INSC: variants seen among roughly 807,000 people sequenced by gnomAD.
The protein encoded by INSC is INSC spindle orientation adaptor protein, also known as protein inscuteable homolog.
INSC carries 67 observed loss-of-function variants against 58.6 expected under a neutral mutation model. The ratio of observed to expected loss-of-function variants is 1.14; its 90% confidence interval spans 0.94 to 1.40. The LOEUF (loss-of-function observed/expected upper bound fraction) is 1.40. Ranked by LOEUF, INSC falls within the 40% of genes most tolerant of loss-of-function variation. The pLI is 0.00. For missense variants in INSC, 714 were observed against 692.0 expected (o/e 1.03, Z -0.36); for synonymous variants, 262 against 276.1 (o/e 0.95, Z 0.51).
intron 2 of INSC, among the ~76,000 whole-genome samples, chr11:15,161,565 G>GA (rs1303754190): frequency 1.3e-5 from 2 of 152,230 alleles, no homozygotes; most frequent in African/African-American, 2.4e-5. Flanking sequence ...CACTGAAGGA[G>GA]AAAAAAACCT....
At chr11:15,144,081 GTGTTTTACTCT>G (rs1327512640) in intron 1 of INSC, among the ~76,000 whole-genome samples, 2 of 148,792 alleles carry the variant, frequency 1.3e-5, no homozygotes, top group Admixed American at 6.6e-5. Flanking sequence ...CCTAAGTCAT[GTGTTTTACTCT>G]TGCTGCAAAG....
At chr11:15,173,794 A>G (rs900092908) in intron 2 of INSC, among the ~76,000 whole-genome samples, 4 of 152,244 alleles carry the variant, frequency 2.6e-5, no homozygotes, top group Non-Finnish European at 5.9e-5. Context: ...ATAATTAAAC[A>G]TAAGATGTGT....
At chr11:15,192,812 G>A (rs1306199561) in intron 6 of INSC, among the ~76,000 whole-genome samples, 1 of 151,930 alleles carries the variant, frequency 6.6e-6, no homozygotes, top group Non-Finnish European at 1.5e-5. Context: ...AAGTTCTCAG[G>A]GTACTACACT....
intron 1 of INSC, among the ~76,000 whole-genome samples, chr11:15,126,510 GA>G (rs1847999285): frequency 6.6e-6 from 1 of 152,128 alleles, no homozygotes. Context: ...TGGATTGTAG[GA>G]ACATTAGATT....
the INSC span, among the ~76,000 whole-genome samples, chr11:15,268,440 A>T: frequency 6.6e-6 from 1 of 152,096 alleles, no homozygotes; most frequent in Non-Finnish European, 1.5e-5. Context: ...TGTTCCATTT[A>T]AATAGATATG....
intron 1 of INSC, among the ~76,000 whole-genome samples, chr11:15,138,228 A>G: frequency 6.6e-6 from 1 of 152,344 alleles, no homozygotes; most frequent in East Asian, 1.9e-4. Flanking sequence ...ACAGATCACC[A>G]CAGCAGATAC....
intron 1 of INSC, among the ~76,000 whole-genome samples, chr11:15,139,225 C>T (rs996245405): frequency 2.6e-5 from 4 of 152,216 alleles, no homozygotes; most frequent in African/African-American, 4.8e-5. Context: ...ATTTTCACCA[C>T]GTTGGAGCGA....
At chr11:15,239,107 G>A in intron 11 of INSC, 33 bp downstream of exon 11, 1 of 1,592,560 alleles carries the variant, frequency 6.3e-7, no homozygotes, top group South Asian at 1.1e-5. Context: ...GGCTGGAGTG[G>A]AGTGGGGGTA....
At chr11:15,266,198 A>G in the INSC span, among the ~76,000 whole-genome samples, 2 of 151,958 alleles carry the variant, frequency 1.3e-5, no homozygotes, top group African/African-American at 2.4e-5. Flanking sequence ...AGAGAATAAA[A>G]TAGGTTAAAA....
chr11:15,212,616 CA>C (rs1290011749), intron 7 of INSC, among the ~76,000 whole-genome samples: 1 of 152,130 alleles, frequency 6.6e-6, no homozygotes, highest in Non-Finnish European at 1.5e-5. Flanking sequence ...TGATTTCATG[CA>C]AATGTAAATG....
At chr11:15,162,981 C>T (rs1011819518) in intron 2 of INSC, among the ~76,000 whole-genome samples, 10 of 152,200 alleles carry the variant, frequency 6.6e-5, no homozygotes, top group Non-Finnish European at 1.2e-4. Flanking sequence ...ATCTGGTTCT[C>T]ATCTCTTCAC....
chr11:15,217,670 G>A (rs759358728), intron 7 of INSC, among the ~76,000 whole-genome samples: 16 of 152,072 alleles, frequency 1.1e-4, no homozygotes, highest in Non-Finnish European at 1.9e-4. Context: ...AGAACGAAAC[G>A]CTAGGAAAAT....
At chr11:15,122,443 A>T (rs564663643) in intron 1 of INSC, among the ~76,000 whole-genome samples, 1 of 152,230 alleles carries the variant, frequency 6.6e-6, no homozygotes, top group African/African-American at 2.4e-5. Flanking sequence ...AGGGAGATGA[A>T]GGAGTCTAAG....
At chr11:15,229,965 TATATATATATATATTA>T (rs1851806755) in intron 9 of INSC, among the ~76,000 whole-genome samples, 27 of 24,476 alleles carry the variant, frequency 1.1e-3, no homozygotes, top group Non-Finnish European at 1.3e-3. Context: ...TATATTTATA[TATATATATATATATTA>T]TATATATATA....
chr11:15,159,606 A>C (rs897527935), intron 2 of INSC, among the ~76,000 whole-genome samples: 10 of 152,236 alleles, frequency 6.6e-5, no homozygotes, highest in African/African-American at 2.4e-4. Context: ...GGAACAGAGC[A>C]CAGCCTAAAG....
chr11:15,178,940 A>T (rs1350320319), intron 5 of INSC, among the ~76,000 whole-genome samples: 1 of 152,210 alleles, frequency 6.6e-6, no homozygotes, highest in Non-Finnish European at 1.5e-5. Context: ...ATCCTGAAAG[A>T]ATTGAGGCAC....
intron 7 of INSC, among the ~76,000 whole-genome samples, chr11:15,210,505 T>TTCTGTG (rs1288425322): frequency 7.4e-6 from 1 of 135,466 alleles, no homozygotes; most frequent in Non-Finnish European, 1.6e-5. Context: ...ATTTGAGAGT[T>TTCTGTG]TGTGTGTGTG....
chr11:15,213,619 C>G (rs10832374), intron 7 of INSC, among the ~76,000 whole-genome samples: 40,459 of 152,054 alleles, frequency 0.27, 6,181 homozygotes, highest in East Asian at 0.73. Flanking sequence ...TCTATATACT[C>G]TTAAGTTACT....
intron 2 of INSC, among the ~76,000 whole-genome samples, chr11:15,163,905 TC>T (rs1220592981): frequency 1.3e-5 from 2 of 152,174 alleles, no homozygotes; most frequent in Non-Finnish European, 2.9e-5. Context: ...ATCTCTTTCT[TC>T]ATTTTTTATT....
Sources: allele counts gnomAD v4.1 joint callset (sites outside exome capture counted in the v4.1 genomes callset), GRCh38; gene constraint gnomAD v4.1.1; transcripts MANE v1.5; gene names NCBI Gene and HGNC (gene_info 2026-07-23, HGNC 2026-07-21).